Variants in RGL1 observed in about 807,000 individuals in gnomAD.
RGL1 encodes ral guanine nucleotide dissociation stimulator like 1, also known as ral guanine nucleotide dissociation stimulator-like 1.
A neutral mutation model predicts 95.2 loss-of-function variants in RGL1; 24 were observed. The observed-to-expected ratio is 0.25, with a 90% CI of 0.18 to 0.35. RGL1 has a LOEUF of 0.35. Ranked by LOEUF, RGL1 falls within the 10% of genes least tolerant of loss-of-function variation. RGL1 has a pLI of 1.00. For missense variants in RGL1, 715 were observed against 936.3 expected, an observed-to-expected ratio of 0.76 and a Z score of 3.08; for synonymous variants, 329 against 344.9, an observed-to-expected ratio of 0.95 and a Z score of 0.51.
At chr1:183,727,415 C>T (rs1205520137) in intron 1 of RGL1, among the ~76,000 whole-genome samples, 1 of 152,162 alleles carries the variant, frequency 6.6e-6, no homozygotes, top group Non-Finnish European at 1.5e-5. Flanking sequence ...TATGAATATA[C>T]TAAAAACTAC....
chr1:183,697,749 G>C (rs913536312), intron 1 of RGL1, among the ~76,000 whole-genome samples: 2 of 152,206 alleles, frequency 1.3e-5, no homozygotes, highest in Non-Finnish European at 1.5e-5. Flanking sequence ...TTCATCTGCA[G>C]ATGTAGGTAT....
chr1:183,638,021 A>T (rs1335047419), intron 1 of RGL1, among the ~76,000 whole-genome samples: 1 of 152,170 alleles, frequency 6.6e-6, no homozygotes, highest in Non-Finnish European at 1.5e-5. Context: ...TTGAAGAGAA[A>T]ATCGAACATT....
At chr1:183,640,462 C>T in intron 1 of RGL1, among the ~76,000 whole-genome samples, 1 of 151,952 alleles carries the variant, frequency 6.6e-6, no homozygotes, top group East Asian at 1.9e-4. Flanking sequence ...TTTCATAAAC[C>T]TTTATTTATA....
At chr1:183,788,215 T>A (rs1282937109) in intron 2 of RGL1, among the ~76,000 whole-genome samples, 3 of 152,180 alleles carry the variant, frequency 2.0e-5, no homozygotes, top group Non-Finnish European at 2.9e-5. Flanking sequence ...AAGTCACATA[T>A]CTGCTGTCTG....
At chr1:183,708,285 G>A (rs1655042189) in intron 1 of RGL1, among the ~76,000 whole-genome samples, 1 of 152,136 alleles carries the variant, frequency 6.6e-6, no homozygotes. Flanking sequence ...GACCATCCTG[G>A]ACGGCCGGAG....
chr1:183,871,974 A>C (rs1166169878), intron 4 of RGL1, among the ~76,000 whole-genome samples: 2 of 144,832 alleles, frequency 1.4e-5, no homozygotes, highest in African/African-American at 5.6e-5. Flanking sequence ...TGGTAGGGCT[A>C]GACTGATTAT....
chr1:183,870,803 C>T (rs2102608534), intron 4 of RGL1, among the ~76,000 whole-genome samples: 1 of 152,234 alleles, frequency 6.6e-6, no homozygotes, highest in Non-Finnish European at 1.5e-5. Context: ...AGGAGCAGGC[C>T]TATTTGGAAA....
chr1:183,858,819 G>A (rs1319112489), intron 3 of RGL1, among the ~76,000 whole-genome samples: 2 of 152,060 alleles, frequency 1.3e-5, no homozygotes, highest in Non-Finnish European at 2.9e-5. Flanking sequence ...TTGATATTCC[G>A]TTGAGTTTTT....
chr1:183,907,963 C>T (rs1471553798), intron 14 of RGL1, among the ~76,000 whole-genome samples: 1 of 152,102 alleles, frequency 6.6e-6, no homozygotes, highest in African/African-American at 2.4e-5. Context: ...TGCCACTGCA[C>T]TCTAGCCTGG....
chr1:183,888,323 G>C (rs779201538), intron 7 of RGL1, 151 bp from the exon 8 acceptor site: 5 of 540,664 alleles, frequency 9.2e-6, no homozygotes, highest in Non-Finnish European at 1.6e-5. Context: ...GTGGGAGGAA[G>C]GAGCCACTTT....
At chr1:183,729,769 A>T (rs1313075561) in intron 1 of RGL1, among the ~76,000 whole-genome samples, 1 of 152,192 alleles carries the variant, frequency 6.6e-6, no homozygotes, top group Non-Finnish European at 1.5e-5. Context: ...TTAACAATGG[A>T]ATACTACTTA....
At chr1:183,717,212 C>T (rs1399381098) in intron 1 of RGL1, among the ~76,000 whole-genome samples, 1 of 152,144 alleles carries the variant, frequency 6.6e-6, no homozygotes, top group Non-Finnish European at 1.5e-5. Context: ...TTCTTCTTTC[C>T]CACCTCTTTC....
At chr1:183,689,127 TC>T (rs1290206616) in intron 1 of RGL1, among the ~76,000 whole-genome samples, 3 of 152,212 alleles carry the variant, frequency 2.0e-5, no homozygotes, top group Non-Finnish European at 4.4e-5. Flanking sequence ...CACGTGTATT[TC>T]TTTCCAAACC....
intron 1 of RGL1, among the ~76,000 whole-genome samples, chr1:183,666,683 A>T (rs527893277): frequency 5.9e-5 from 9 of 152,098 alleles, no homozygotes; most frequent in Admixed American, 1.3e-4. Flanking sequence ...TCTGTTTCTG[A>T]TTTCTAGTTG....
At chr1:183,899,338 G>T (rs1308250388) in intron 10 of RGL1, among the ~76,000 whole-genome samples, 1 of 152,088 alleles carries the variant, frequency 6.6e-6, no homozygotes, top group Non-Finnish European at 1.5e-5. Context: ...GCATTTTGTT[G>T]TCTGTCACCC....
At chr1:183,647,864 C>T (rs748329677) in intron 1 of RGL1, 7 of 1,614,112 alleles carry the variant, frequency 4.3e-6, no homozygotes, top group Non-Finnish European at 5.1e-6. Flanking sequence ...GGTTTTGGCC[C>T]ATATGCATTG....
At chr1:183,916,790 T>G in intron 16 of RGL1, 89 bp downstream of exon 16, 3 of 1,432,210 alleles carry the variant, frequency 2.1e-6, no homozygotes, top group Non-Finnish European at 1.9e-6. Context: ...GCCCTAAATA[T>G]GCACACTCAA....
chr1:183,683,071 A>T (rs145515763), intron 1 of RGL1, among the ~76,000 whole-genome samples: 1 of 151,598 alleles, frequency 6.6e-6, no homozygotes, highest in Non-Finnish European at 1.5e-5. Context: ...GTGTTTCTGC[A>T]TGTGAGATGG....
chr1:183,915,301 T>C lies in RGL1; in HGVS notation c.1750-1146T>C, dbSNP rs1379190039. On this transcript the variant is annotated intron_variant, in intron 15 of 17. Transcript: ENST00000360851. Reference sequence around the variant, plus strand: ...TCCAGAATATTTTATAGGATTAACATGGTATAATTTAGCTTAAGTCATTCC... The same window carrying C: ...TCCAGAATATTTTATAGGATTAACACGGTATAATTTAGCTTAAGTCATTCC... Among the ~76,000 whole-genome samples the C allele has an allele frequency of 2.0e-5, 3 of 152,242 alleles. No individual in the cohort carries two copies. In the East Asian group the frequency reaches 5.8e-4, roughly 29 times the overall value.
Sources: allele counts gnomAD v4.1 joint callset (sites outside exome capture counted in the v4.1 genomes callset), GRCh38; gene constraint gnomAD v4.1.1; transcripts MANE v1.5; gene names NCBI Gene and HGNC (gene_info 2026-07-23, HGNC 2026-07-21).